ZNF677: variants seen among roughly 807,000 people sequenced by gnomAD.
ZNF677 encodes the protein hypothetical protein MGC48625.
A neutral mutation model predicts 8.1 loss-of-function variants in ZNF677; 5 were observed. The observed-to-expected ratio is 0.62, with a 90% CI of 0.32 to 1.29. The LOEUF (loss-of-function observed/expected upper bound fraction) is 1.29, where lower values mean the gene tolerates loss of function less well. Ranked by LOEUF, ZNF677 falls within the 50% of genes most tolerant of loss-of-function variation. The pLI, the probability that ZNF677 is intolerant of heterozygous loss-of-function variation, is 0.05. For missense variants in ZNF677, 685 were observed against 685.9 expected, an observed-to-expected ratio of 1.00 and a Z score of 0.01; for synonymous variants, 221 against 225.6, an observed-to-expected ratio of 0.98 and a Z score of 0.18.
intron 3 of ZNF677, among the ~76,000 whole-genome samples, chr19:53,251,179 T>C (rs960019032): frequency 2.0e-5 from 3 of 152,206 alleles, no homozygotes; most frequent in African/African-American, 4.8e-5. Context: ...ATCACTTCCA[T>C]ATGCAGCTTC....
intron 3 of ZNF677, among the ~76,000 whole-genome samples, chr19:53,250,805 G>C (rs1443055755): frequency 1.3e-5 from 2 of 152,070 alleles, no homozygotes; most frequent in African/African-American, 4.8e-5. Flanking sequence ...CCTACCCCTG[G>C]ACTAAAATTA....
chr19:53,249,062 T>C (rs1443764919), intron 3 of ZNF677: 1 of 152,210 alleles, frequency 6.6e-6, no homozygotes, highest in Non-Finnish European at 1.5e-5. Flanking sequence ...CACTCTACTC[T>C]TGAAACTTTA....
At position 53,236,946 on chromosome 19, in the gene ZNF677, T is replaced by C; in HGVS notation, c.*26A>G. ...TTACCACATTTTCGTTTTATATGGT[T>C]TCTTTTCACAATGGAGCCCCTGATG... On this transcript the variant is annotated 3_prime_UTR_variant, in exon 5 of 5. Coordinates refer to ENST00000598513, the MANE Select transcript of ZNF677 (RefSeq NM_182609.4). The C allele has an allele frequency of 6.6e-7, 1 of 1,517,906 alleles. No homozygotes were observed. Among genetic ancestry groups the C allele is most frequent in the South Asian group, 1.4e-5 (1 of 71,596 alleles). 94.0% of individuals were successfully genotyped at this position (1,517,906 alleles called of 1,614,324 possible). A position where few individuals can be genotyped will look rare whatever the true frequency, so the allele number is the denominator to read the frequency against.
intron 2 of ZNF677, among the ~76,000 whole-genome samples, chr19:53,252,371 C>G (rs547655712): frequency 7.9e-5 from 12 of 152,220 alleles, no homozygotes; most frequent in South Asian, 2.1e-4. Context: ...CACTGAGCCT[C>G]AGAGAGAGGA....
intron 4 of ZNF677, chr19:53,238,887 G>A: frequency 5.6e-6 from 1 of 178,124 alleles, no homozygotes; most frequent in Non-Finnish European, 1.2e-5. Context: ...ATAGCTATAT[G>A]GTAGTCTCAT....
In ZNF677 at chr19:53,254,871, G is replaced by A. The variant is rs997815621; in HGVS notation, c.-164C>T. ...GTAGCCCCGCGAGATCCGCTTCCGGGTCGGCAGGAACCTGCGCGTACGCGA... is the reference window on the plus strand; with the variant it reads ...GTAGCCCCGCGAGATCCGCTTCCGGATCGGCAGGAACCTGCGCGTACGCGA... On this transcript the variant is annotated 5_prime_UTR_variant, in exon 1 of 5. Coordinates refer to ENST00000598513, the MANE Select transcript of ZNF677 (RefSeq NM_182609.4). The A allele has an allele frequency of 6.6e-6, 1 of 152,658 alleles. No homozygotes were observed. Among genetic ancestry groups the A allele is most frequent in the Non-Finnish European group, 1.5e-5 (1 of 68,104 alleles). The allele number at this position is 152,658 out of a possible 1,614,324, so 9.5% of individuals were successfully genotyped here. A position where few individuals can be genotyped will look rare whatever the true frequency, so the allele number is the denominator to read the frequency against.
Position 53,254,832 on chromosome 19 carries a change from A to ACCCGAGAGCGCCAGTAGC in ZNF677, c.-143_-127+1dup, listed in dbSNP as rs2091291235. 6.6e-6 allele frequency: 1 copy of ACCCGAGAGCGCCAGTAGC among 152,630 alleles called. No homozygotes were observed. Among genetic ancestry groups the ACCCGAGAGCGCCAGTAGC allele is most frequent in the Non-Finnish European group, 1.5e-5 (1 of 68,080 alleles). 9.5% of individuals were successfully genotyped at this position (152,630 alleles called of 1,614,324 possible). On this transcript the variant is annotated splice_donor_variant, in intron 1 of 4. Transcript: ENST00000598513. LOFTEE classifies it low-confidence loss of function (5UTR_SPLICE). ...GCTTGAACCCGAAAGACGGAGACTC[A>ACCCGAGAGCGCCAGTAGC]CCCGAGAGCGCCAGTAGCCCCGCGA...
chr19:53,246,477 A>T (rs185161569), intron 3 of ZNF677, among the ~76,000 whole-genome samples: 25 of 144,218 alleles, frequency 1.7e-4, no homozygotes, highest in Non-Finnish European at 2.7e-4. Context: ...ATGACTGAAT[A>T]AAGAAAATGT....
In ZNF677 at chr19:53,237,633, T is replaced by C. The variant is rs763156280; in HGVS notation, c.1094A>G (p.His365Arg). 8 of 1,613,670 alleles carry C rather than the reference T, an allele frequency of 5.0e-6. No homozygotes were observed. The highest frequency in any genetic ancestry group is 4.0e-5 in the African/African-American group (3 of 74,936). Residue 365 changes from histidine to arginine, a missense_variant, in exon 5 of 5, where the codon CAT becomes CGT. Physicochemically the swap from His to Arg is conservative, Grantham distance 29. Transcript: ENST00000598513. The stretch of plus-strand genomic sequence containing the variant: ...TTTCTCTCCAGTATGAATTCTTTCA[T>C]GACCCCAAAGGTGTGAACGCTGGAT... The part of the protein sequence containing the change: ...AFIQRSHLWG[H>R]ERIHTGEKPY...
intron 4 of ZNF677, chr19:53,240,939 AAC>A (rs1324631194): frequency 5.9e-5 from 9 of 152,166 alleles, no homozygotes; most frequent in Non-Finnish European, 1.0e-4. Context: ...CGTGTGGGGG[AAC>A]AGAGTATACA....
intron 4 of ZNF677, chr19:53,241,264 A>C (rs755635375): frequency 2.0e-5 from 3 of 152,222 alleles, no homozygotes; most frequent in Non-Finnish European, 4.4e-5. Context: ...TAAAACAAAA[A>C]ACACTAAGAG....
intron 3 of ZNF677, among the ~76,000 whole-genome samples, chr19:53,245,329 GAACA>G (rs763789573): frequency 5.0e-4 from 76 of 151,858 alleles, no homozygotes; most frequent in Non-Finnish European, 9.0e-4. Context: ...ACAACCAACA[GAACA>G]AAAAGGCAAC....
intron 2 of ZNF677, among the ~76,000 whole-genome samples, chr19:53,252,711 C>T (rs1425496309): frequency 6.6e-6 from 1 of 152,140 alleles, no homozygotes; most frequent in African/African-American, 2.4e-5. Context: ...AATTCCACAC[C>T]AATCCAGGCC....
Position 53,237,886 on chromosome 19 carries a change from G to A in ZNF677, c.841C>T (p.His281Tyr), listed in dbSNP as rs2090991114. The A allele has an allele frequency of 6.2e-7, 1 of 1,613,398 alleles. No homozygotes were observed. Among genetic ancestry groups the A allele is most frequent in the African/African-American group, 1.3e-5 (1 of 75,052 alleles). The change falls in exon 5 of 5, where the codon CAT becomes TAT. Residue 281 changes from histidine (H) to tyrosine (Y), a missense_variant. By Grantham distance (83) the His-to-Tyr change is moderately conservative. Transcript: ENST00000598513. ...CTCTGTCCAGAGTGAATTCTCTGATGATTAGTGAGGTTCGAACTTTTGCTA... is the reference window on the plus strand; with the variant it reads ...CTCTGTCCAGAGTGAATTCTCTGATAATTAGTGAGGTTCGAACTTTTGCTA... ...AFSKSSNLTN[H>Y]QRIHSGQRPY...
chr19:53,254,545 A>T (rs192006121), intron 1 of ZNF677: 2 of 152,416 alleles, frequency 1.3e-5, no homozygotes, highest in East Asian at 3.9e-4. Flanking sequence ...AGGGAGTCAG[A>T]GAAGAGTTTT....
intron 3 of ZNF677, among the ~76,000 whole-genome samples, chr19:53,251,293 C>T (rs540759039): frequency 6.6e-6 from 1 of 152,332 alleles, no homozygotes; most frequent in Admixed American, 6.5e-5. Context: ...CCCCCATACC[C>T]AATCCATGCC....
chr19:53,237,527 C>T lies in ZNF677; in HGVS notation c.1200G>A (p.Glu400=). Residue 400 remains glutamate, a synonymous_variant, in exon 5 of 5, where the codon GAG becomes GAA. Coordinates refer to ENST00000598513, the MANE Select transcript of ZNF677 (RefSeq NM_182609.4). ...CACACTCATTACATATGTAAGGCTT[C>T]TCTCCAGTATGGATTCTCTTATGTT... ...LTQHKRIHTG[E]KPYICNECGK... The T allele has an allele frequency of 3.7e-6, 6 of 1,613,898 alleles. No individual in the cohort carries two copies. The highest frequency in any genetic ancestry group is 5.1e-6 in the Non-Finnish European group (6 of 1,179,950).
At position 53,235,721 on chromosome 19, in the gene ZNF677, A is replaced by G. The variant is rs564903757; in HGVS notation, c.*1251T>C. ...TGAAAATCTCTCAATGTCCCACCCT[A>G]CTCTTCTTGTTTCATGGTCATCTTG... On this transcript the variant is annotated 3_prime_UTR_variant, in exon 5 of 5. Transcript: ENST00000598513. 6.6e-6 allele frequency: 1 copy of G among 151,914 alleles called. No homozygotes were observed. Among genetic ancestry groups the G allele is most frequent in the African/African-American group, 2.4e-5 (1 of 41,422 alleles). The allele number at this position is 151,914 out of a possible 1,614,324, so 9.4% of individuals were successfully genotyped here. A position where few individuals can be genotyped will look rare whatever the true frequency, so the allele number is the denominator to read the frequency against.
Position 53,236,898 on chromosome 19 carries a change from G to T in ZNF677, c.*74C>A. On this transcript the variant is annotated 3_prime_UTR_variant, in exon 5 of 5. Transcript: ENST00000598513. ...AGATGTATATTCTGGTATCAAGTGA[G>T]ACATAAGCCATAGCTAAAGGCTTTA... 1 of 1,340,502 alleles carries T rather than the reference G, an allele frequency of 7.5e-7. No homozygotes were observed. The highest frequency in any genetic ancestry group is 1.0e-6 in the Non-Finnish European group (1 of 991,858). The allele number at this position is 1,340,502 out of a possible 1,614,324, so 83.0% of individuals were successfully genotyped here. A position where few individuals can be genotyped will look rare whatever the true frequency, so the allele number is the denominator to read the frequency against.
Sources: gnomAD v4.1 joint callset for allele counts (sites outside exome capture counted in the v4.1 genomes callset) on GRCh38, gnomAD v4.1.1 for gene constraint, MANE v1.5 for transcripts, NCBI Gene and HGNC (gene_info 2026-07-23, HGNC 2026-07-21) for gene names.